LMX1B: variants seen among roughly 807,000 people sequenced by gnomAD.
LMX1B encodes LIM homeobox transcription factor 1-beta.
In LMX1B, 12 loss-of-function variants were observed where a neutral mutation model predicts 51.4. The observed-to-expected ratio is 0.23, with a 90% CI of 0.15 to 0.38. The LOEUF (loss-of-function observed/expected upper bound fraction) is 0.38, where lower values mean the gene tolerates loss of function less well. Ranked by LOEUF, LMX1B falls within the 10% of genes least tolerant of loss-of-function variation. The pLI, the probability that LMX1B is intolerant of heterozygous loss-of-function variation, is 1.00. For synonymous variants in LMX1B, 237 were observed against 235.4 expected, an observed-to-expected ratio of 1.01 and a Z score of -0.06; for missense variants, 445 against 571.1, an observed-to-expected ratio of 0.78 and a Z score of 2.25.
chr9:126,690,105 T>G (rs899975046), intron 2 of LMX1B, among the ~76,000 whole-genome samples: 2 of 149,420 alleles, frequency 1.3e-5, no homozygotes, highest in Non-Finnish European at 3.0e-5. Flanking sequence ...GGCTGTTCTT[T>G]GGGGCTGCAG....
rs111820858 is a variant in LMX1B, at chr9:126,658,513, T to G, written c.327-32323T>G. Among the ~76,000 whole-genome samples the G allele has an allele frequency of 4.2e-3, 641 of 152,230 alleles. 4 individuals are homozygous for G. Among genetic ancestry groups the G allele is most frequent in the African/African-American group, 0.015 (614 of 41,538 alleles). On this transcript the variant is annotated intron_variant, in intron 2 of 7. Coordinates refer to ENST00000373474, the MANE Select transcript of LMX1B (RefSeq NM_001174147.2). This position sits in a 1 kb window ranked among gnomAD's most constrained non-coding sequence, Gnocchi z 4.0. ...AGGACTAATTAGATATAATTCATTA[T>G]CCTCAAAAATGAGATCAGAAATCAG...
chr9:126,654,607 C>T (rs749609521), intron 2 of LMX1B, among the ~76,000 whole-genome samples: 5 of 152,232 alleles, frequency 3.3e-5, no homozygotes, highest in Non-Finnish European at 5.9e-5. Flanking sequence ...ACTGTAGCCA[C>T]ACATCCCAGA....
intron 2 of LMX1B, among the ~76,000 whole-genome samples, chr9:126,663,080 C>G (rs1836275760): frequency 1.3e-5 from 2 of 152,282 alleles, no homozygotes; most frequent in Middle Eastern, 3.4e-3. Flanking sequence ...CAACCCAGGG[C>G]AAGCGAATGT....
chr9:126,693,099 T>C, intron 3 of LMX1B, 43 bp from the exon 4 acceptor site: 3 of 1,538,318 alleles, frequency 2.0e-6, no homozygotes, highest in Non-Finnish European at 2.6e-6. Flanking sequence ...AGGCCTGGGC[T>C]GCCCCCGCCC....
intron 2 of LMX1B, among the ~76,000 whole-genome samples, chr9:126,676,724 G>A (rs1280440691): frequency 1.3e-5 from 2 of 152,222 alleles, no homozygotes; most frequent in Non-Finnish European, 2.9e-5. Context: ...AAATGGGGGT[G>A]TTGGCAGAGA....
intron 2 of LMX1B, among the ~76,000 whole-genome samples, chr9:126,645,094 G>A (rs1213238251): frequency 2.0e-5 from 3 of 152,156 alleles, no homozygotes; most frequent in Admixed American, 6.5e-5. Context: ...TTTGAATCGC[G>A]TTCATCTGGC....
chr9:126,649,037 C>A (rs1428296153), intron 2 of LMX1B, among the ~76,000 whole-genome samples: 1 of 152,138 alleles, frequency 6.6e-6, no homozygotes, highest in Non-Finnish European at 1.5e-5. Context: ...GTGAGAGGCA[C>A]CTACCATCTT....
Position 126,699,033 on chromosome 9 carries a change from ACC to A in LMX1B, c.*2585_*2586del, listed in dbSNP as rs2030447321. 1 of 123,200 alleles carries A rather than the reference ACC, an allele frequency of 8.1e-6. No individual in the cohort carries two copies. Among genetic ancestry groups the A allele is most frequent in the Admixed American group, 7.7e-5 (1 of 13,028 alleles). The allele number at this position is 123,200 out of a possible 1,614,324, so 7.6% of individuals were successfully genotyped here. A position where few individuals can be genotyped will look rare whatever the true frequency, so the allele number is the denominator to read the frequency against. Reference sequence around the variant, plus strand: ...CAGCTGCACTGGCTTCTGGAGAGACACCCCTCTTTCTCCTTTTGCACATGCAC... The same window carrying A: ...CAGCTGCACTGGCTTCTGGAGAGACACCTCTTTCTCCTTTTGCACATGCAC... On this transcript the variant is annotated 3_prime_UTR_variant, in exon 8 of 8. Coordinates refer to ENST00000373474, the MANE Select transcript of LMX1B (RefSeq NM_001174147.2).
intron 2 of LMX1B, among the ~76,000 whole-genome samples, chr9:126,681,881 A>C (rs1402442949): frequency 6.6e-6 from 1 of 151,392 alleles, no homozygotes; most frequent in Non-Finnish European, 1.5e-5. Context: ...AGCCTGGGCG[A>C]CAGAGTGAGA....
chr9:126,680,368 T>A (rs1329549617), intron 2 of LMX1B, among the ~76,000 whole-genome samples: 1 of 152,212 alleles, frequency 6.6e-6, no homozygotes, highest in Non-Finnish European at 1.5e-5. Context: ...TAAGCAGCTG[T>A]GTACCCTCTG....
At chr9:126,650,709 A>G (rs1835986271) in intron 2 of LMX1B, among the ~76,000 whole-genome samples, 1 of 152,188 alleles carries the variant, frequency 6.6e-6, no homozygotes, top group African/African-American at 2.4e-5. Context: ...CGGGGCAGGC[A>G]GGAGCCCGCT....
Position 126,696,900 on chromosome 9 carries a change from GC to G in LMX1B, c.*451del, listed in dbSNP as rs1269419827. ...CTGTGCCCCAGCAAGGGCAGGGGTG[GC>G]CTCTGGGGGCAGGCCCACTGCCTGG... On this transcript the variant is annotated 3_prime_UTR_variant, in exon 8 of 8. Transcript: ENST00000373474. The G allele has an allele frequency of 4.8e-6, 1 of 208,090 alleles. No individual in the cohort carries two copies. The highest frequency in any genetic ancestry group is 5.3e-5 in the Admixed American group (1 of 18,906). 12.9% of individuals were successfully genotyped at this position (208,090 alleles called of 1,614,324 possible). A position where few individuals can be genotyped will look rare whatever the true frequency, so the allele number is the denominator to read the frequency against.
At chr9:126,679,477 A>G (rs980529200) in intron 2 of LMX1B, among the ~76,000 whole-genome samples, 5 of 144,600 alleles carry the variant, frequency 3.5e-5, no homozygotes, top group Non-Finnish European at 6.1e-5. Flanking sequence ...GGATGTTTGT[A>G]TGGGTGGATA....
intron 2 of LMX1B, among the ~76,000 whole-genome samples, chr9:126,629,995 A>C (rs1835604170): frequency 1.3e-5 from 2 of 151,878 alleles, no homozygotes; most frequent in Admixed American, 1.3e-4. Flanking sequence ...AATACAAAAA[A>C]ATTAGCTGGG....
intron 2 of LMX1B, among the ~76,000 whole-genome samples, chr9:126,621,502 G>A (rs1454275300): frequency 6.6e-6 from 1 of 152,206 alleles, no homozygotes; most frequent in Non-Finnish European, 1.5e-5. Flanking sequence ...GTTGATTCAC[G>A]AAGGTAGAGG....
chr9:126,696,104 T>G, intron 7 of LMX1B, 101 bp downstream of exon 7: 5 of 1,241,986 alleles, frequency 4.0e-6, no homozygotes, highest in Non-Finnish European at 4.5e-6. Flanking sequence ...GCCCTAGGGC[T>G]CAGGCAGCAT....
intron 2 of LMX1B, among the ~76,000 whole-genome samples, chr9:126,644,187 G>T (rs1434972478): frequency 6.6e-6 from 1 of 152,196 alleles, no homozygotes; most frequent in Non-Finnish European, 1.5e-5. Context: ...CCACCGGGGG[G>T]TATCTGCTGA....
rs1180633470 is a variant in LMX1B at position 126,626,903 on chromosome 9, G to T, written c.326+11334G>T. 1.3e-5 allele frequency among the ~76,000 whole-genome samples: 2 copies of T among 152,216 alleles called. No homozygotes were observed. Among genetic ancestry groups the T allele is most frequent in the East Asian group, 3.9e-4 (2 of 5,170 alleles). On this transcript the variant is annotated intron_variant, in intron 2 of 7. Transcript: ENST00000373474. This position sits in a 1 kb window ranked among gnomAD's most constrained non-coding sequence, Gnocchi z 4.3. ...CCGAAGGGCGGCCTAAGACAACGCA[G>T]ATGGTTCCTATCAGCCCGGCCGGGC... is the stretch of plus-strand genomic sequence containing the variant.
In LMX1B at chr9:126,677,521, A is replaced by G. The variant is rs1836585691; in HGVS notation, c.327-13315A>G. Among the ~76,000 whole-genome samples the G allele has an allele frequency of 2.0e-5, 3 of 152,102 alleles. No individual in the cohort carries two copies. Among genetic ancestry groups the G allele is most frequent in the Admixed American group, 1.3e-4 (2 of 15,274 alleles). Reference sequence around the variant, plus strand: ...CTTCCCAGTCCCCAACTACCTTTCCAACCTCCAGGAAGGCAGGAGAGTGTG... The same window carrying G: ...CTTCCCAGTCCCCAACTACCTTTCCGACCTCCAGGAAGGCAGGAGAGTGTG... On this transcript the variant is annotated intron_variant, in intron 2 of 7. Coordinates refer to ENST00000373474, the MANE Select transcript of LMX1B (RefSeq NM_001174147.2). This position sits in a 1 kb window ranked among gnomAD's most constrained non-coding sequence, Gnocchi z 5.0.
Sources: allele counts gnomAD v4.1 joint callset (sites outside exome capture counted in the v4.1 genomes callset), GRCh38; gene constraint gnomAD v4.1.1; non-coding constraint Gnocchi (gnomAD v3.1); transcripts MANE v1.5; gene names NCBI Gene and HGNC (gene_info 2026-07-23, HGNC 2026-07-21).